ZNF804B: variants seen among roughly 807,000 people sequenced by gnomAD.
ZNF804B encodes the protein zinc finger 804B.
A neutral mutation model predicts 101.4 loss-of-function variants in ZNF804B; 80 were observed. The observed-to-expected ratio is 0.79, with a 90% CI of 0.66 to 0.95. ZNF804B has a LOEUF of 0.95. Ranked by LOEUF, ZNF804B falls within the 40% of genes least tolerant of loss-of-function variation. ZNF804B has a pLI of 0.00. For missense variants in ZNF804B, 1,673 were observed against 1,561.9 expected (o/e 1.07, Z -1.20); for synonymous variants, 622 against 558.8 (o/e 1.11, Z -1.59).
intron 1 of ZNF804B, among the ~76,000 whole-genome samples, chr7:89,036,967 T>C (rs1788939336): frequency 6.6e-6 from 1 of 152,164 alleles, no homozygotes; most frequent in Non-Finnish European, 1.5e-5. Context: ...TTAATCTACT[T>C]TTTCACATCA....
rs73705512 is a variant in ZNF804B at position 88,769,738 on chromosome 7, A to G, written c.108+9654A>G. Among the ~76,000 whole-genome samples, 439 of 152,302 alleles carry G rather than the reference A, an allele frequency of 2.9e-3. 3 individuals carry two copies. Among genetic ancestry groups the G allele is most frequent in the African/African-American group, 0.01 (418 of 41,574 alleles). On this transcript the variant is annotated intron_variant, in intron 1 of 3. Transcript: ENST00000333190. ...CAACGACCACTGCAGCCTTTGAGAT[A>G]GCAACATCCTGGAAAAGCCACAGTG...
At chr7:89,126,091 A>G (rs1790471123) in intron 1 of ZNF804B, among the ~76,000 whole-genome samples, 1 of 152,004 alleles carries the variant, frequency 6.6e-6, no homozygotes, top group African/African-American at 2.4e-5. Context: ...AAATGACTTG[A>G]CTAACATATT....
At chr7:89,229,281 G>A (rs1789150551) in intron 2 of ZNF804B, among the ~76,000 whole-genome samples, 1 of 152,206 alleles carries the variant, frequency 6.6e-6, no homozygotes, top group Admixed American at 6.5e-5. Flanking sequence ...CCAGCACGCT[G>A]TCACCTCTCA....
At chr7:89,220,465 A>C (rs903933331) in intron 2 of ZNF804B, among the ~76,000 whole-genome samples, 4 of 151,850 alleles carry the variant, frequency 2.6e-5, no homozygotes, top group African/African-American at 9.7e-5. Context: ...AAAAATTTCA[A>C]ACGTATATAA....
intron 1 of ZNF804B, among the ~76,000 whole-genome samples, chr7:89,077,427 A>C (rs894898090): frequency 2.6e-5 from 4 of 152,208 alleles, no homozygotes; most frequent in African/African-American, 9.6e-5. Flanking sequence ...ATTTTTTAAC[A>C]GCCTTAATTA....
At chr7:89,017,597 G>T (rs1788589504) in intron 1 of ZNF804B, among the ~76,000 whole-genome samples, 1 of 152,090 alleles carries the variant, frequency 6.6e-6, no homozygotes, top group Admixed American at 6.6e-5. Context: ...TGAATCTGTA[G>T]ATAGCTTTGG....
chr7:89,315,849 C>T (rs547446466), intron 2 of ZNF804B, among the ~76,000 whole-genome samples: 2 of 152,128 alleles, frequency 1.3e-5, no homozygotes, highest in Admixed American at 6.6e-5. Flanking sequence ...CTAACTGGGG[C>T]CTGATCATCA....
At position 88,835,578 on chromosome 7, in the gene ZNF804B, G is replaced by A. The variant is rs547239308; in HGVS notation, c.108+75494G>A. Among the ~76,000 whole-genome samples, 10 of 152,006 alleles carry A rather than the reference G, an allele frequency of 6.6e-5. 1 individual carries two copies. Among genetic ancestry groups the A allele is most frequent in the African/African-American group, 2.4e-4 (10 of 41,524 alleles). On this transcript the variant is annotated intron_variant, in intron 1 of 3. Coordinates refer to ENST00000333190, the MANE Select transcript of ZNF804B (RefSeq NM_181646.5). ...ATTCAAATGAAAATAATTTGAATCT[G>A]TAAAAAGCCATGAGTTCAAAATATA... is the stretch of plus-strand genomic sequence containing the variant.
At chr7:88,845,297 G>GCACACA (rs200482259) in intron 1 of ZNF804B, among the ~76,000 whole-genome samples, 3,787 of 119,836 alleles carry the variant, frequency 0.032, 134 homozygotes, top group African/African-American at 0.11. Flanking sequence ...GCGCGCACGC[G>GCACACA]CGCGCACACA....
At chr7:89,268,141 A>G (rs1789827781) in intron 2 of ZNF804B, among the ~76,000 whole-genome samples, 1 of 152,116 alleles carries the variant, frequency 6.6e-6, no homozygotes, top group African/African-American at 2.4e-5. Flanking sequence ...ACTAAAAGTA[A>G]TGACTACTTT....
At position 88,987,817 on chromosome 7, in the gene ZNF804B, A is replaced by G. The variant is rs576847033; in HGVS notation, c.108+227733A>G. Among the ~76,000 whole-genome samples, 37 of 152,142 alleles carry G rather than the reference A, an allele frequency of 2.4e-4. No individual in the cohort carries two copies. In the South Asian group the frequency reaches 7.1e-3, roughly 29 times the overall value. ...AAGAGATAATAAATTATTCTTAACAATAGTTGTCTTATTGTGCTACTGAAT... is the reference window on the plus strand; with the variant it reads ...AAGAGATAATAAATTATTCTTAACAGTAGTTGTCTTATTGTGCTACTGAAT... On this transcript the variant is annotated intron_variant, in intron 1 of 3. Transcript: ENST00000333190.
At chr7:88,864,302 ATAC>A (rs1420650309) in intron 1 of ZNF804B, among the ~76,000 whole-genome samples, 1 of 152,264 alleles carries the variant, frequency 6.6e-6, no homozygotes, top group African/African-American at 2.4e-5. Context: ...CAACGAATAT[ATAC>A]TGCCTTATCT....
At chr7:89,190,073 G>A (rs1005552723) in intron 1 of ZNF804B, among the ~76,000 whole-genome samples, 5 of 151,936 alleles carry the variant, frequency 3.3e-5, no homozygotes, top group African/African-American at 1.2e-4. Context: ...CCTCATAAAC[G>A]ACTTTGAGGG....
chr7:89,141,390 AG>A (rs2116393155), intron 1 of ZNF804B, among the ~76,000 whole-genome samples: 1 of 152,192 alleles, frequency 6.6e-6, no homozygotes, highest in Non-Finnish European at 1.5e-5. Flanking sequence ...AGTATAATAA[AG>A]TGAAGCACAA....
At chr7:89,166,506 T>C (rs151261614) in intron 1 of ZNF804B, among the ~76,000 whole-genome samples, 1 of 152,294 alleles carries the variant, frequency 6.6e-6, no homozygotes, top group Non-Finnish European at 1.5e-5. Flanking sequence ...GTTTGTGTTG[T>C]CTGTTTGCAA....
At chr7:89,301,282 A>C (rs1690203308) in intron 2 of ZNF804B, among the ~76,000 whole-genome samples, 1 of 151,552 alleles carries the variant, frequency 6.6e-6, no homozygotes. Flanking sequence ...TGGATGGCTG[A>C]AACATGCTTA....
intron 1 of ZNF804B, among the ~76,000 whole-genome samples, chr7:89,092,408 G>GTTTTTTTTTTTTTTTTTTT (rs71120056): frequency 2.0e-4 from 19 of 93,840 alleles, no homozygotes; most frequent in South Asian, 4.0e-4. Flanking sequence ...TTTCTTTTCT[G>GTTTTTTTTTTTTTTTTTTT]TTTTTTTTTT....
chr7:89,328,361 A>G (rs1221069174), intron 3 of ZNF804B, among the ~76,000 whole-genome samples: 2 of 151,918 alleles, frequency 1.3e-5, no homozygotes, highest in African/African-American at 4.8e-5. Context: ...TTTATTTATA[A>G]CTTTTAGAAT....
At chr7:88,937,816 A>C (rs1188110661) in intron 1 of ZNF804B, among the ~76,000 whole-genome samples, 1 of 152,080 alleles carries the variant, frequency 6.6e-6, no homozygotes, top group East Asian at 1.9e-4. Flanking sequence ...ACCCAAGTTT[A>C]ACTGCAGCAT....
Sources: allele counts gnomAD v4.1 joint callset (sites outside exome capture counted in the v4.1 genomes callset), GRCh38; gene constraint gnomAD v4.1.1; transcripts MANE v1.5; gene names NCBI Gene and HGNC (gene_info 2026-07-23, HGNC 2026-07-21).